Variants in SV2B observed in about 807,000 individuals in gnomAD.
The protein encoded by SV2B is solute carrier family 22 member B2.
A neutral mutation model predicts 73.9 loss-of-function variants in SV2B; 41 were observed. The observed-to-expected ratio is 0.56, with a 90% CI of 0.43 to 0.72. The LOEUF is 0.72. Ranked by LOEUF, SV2B falls within the 30% of genes least tolerant of loss-of-function variation. The pLI, the probability that SV2B is intolerant of heterozygous loss-of-function variation, is 0.00. For synonymous variants in SV2B, 314 were observed against 314.2 expected (o/e 1.00, Z 0.01); for missense variants, 764 against 857.8 (o/e 0.89, Z 1.37).
intron 1 of SV2B, among the ~76,000 whole-genome samples, chr15:91,178,164 C>T (rs1309616354): frequency 6.6e-6 from 1 of 151,342 alleles, no homozygotes; most frequent in Admixed American, 6.6e-5. Flanking sequence ...TGGTTTTTGT[C>T]TTTGGTTCTG....
rs1049006436 is a variant in SV2B, at chr15:91,267,135, A to G, written c.1120-420A>G. ...CCTCCAAGTAGGGAGCCAGTCAGCT[A>G]TTGAGCACTGAGGCAGCCAGACAGC... is the stretch of plus-strand genomic sequence containing the variant. On this transcript the variant is annotated intron_variant, in intron 7 of 12. Transcript: ENST00000394232. The surrounding 1 kb of genome is among the most constrained non-coding windows in gnomAD (Gnocchi z 4.3). 2.6e-5 allele frequency among the ~76,000 whole-genome samples: 4 copies of G among 152,208 alleles called. No individual in the cohort carries two copies. The highest frequency in any genetic ancestry group is 4.4e-5 in the Non-Finnish European group (3 of 68,022).
rs2042930772 is a variant in SV2B at position 91,139,215 on chromosome 15, T to C, written c.-392+38852T>C. Among the ~76,000 whole-genome samples the C allele has an allele frequency of 6.6e-6, 1 of 152,134 alleles. No individual in the cohort carries two copies. The highest frequency in any genetic ancestry group is 1.5e-5 in the Non-Finnish European group (1 of 68,028). ...TGTGAAGGGAAGGAGGTTGGAGAAC[T>C]GGGTAGGGGTATAGATGATATGAGA... On this transcript the variant is annotated intron_variant, in intron 1 of 12. Coordinates refer to ENST00000394232, the MANE Select transcript of SV2B (RefSeq NM_001323032.3). This position sits in a 1 kb window ranked among gnomAD's most constrained non-coding sequence, Gnocchi z 5.2.
rs955121864 is a variant in SV2B at position 91,298,173 on chromosome 15, G to GAGCA, written c.*5623_*5626dup. 7 of 152,288 alleles carry GAGCA rather than the reference G, an allele frequency of 4.6e-5. No individual in the cohort carries two copies. The highest frequency in any genetic ancestry group is 3.3e-4 in the Admixed American group (5 of 15,298). 9.4% of individuals were successfully genotyped at this position (152,288 alleles called of 1,614,324 possible). A position where few individuals can be genotyped will look rare whatever the true frequency, so the allele number is the denominator to read the frequency against. On this transcript the variant is annotated 3_prime_UTR_variant, in exon 13 of 13. Transcript: ENST00000394232. The surrounding 1 kb of genome is among the most constrained non-coding windows in gnomAD (Gnocchi z 5.4). ...TCCTTTAGACAAGGAAGACAGAGTG[G>GAGCA]AGCAAATTTCTCTACATAGATCTCA...
intron 2 of SV2B, among the ~76,000 whole-genome samples, chr15:91,237,239 G>A (rs1294419782): frequency 6.6e-6 from 1 of 152,166 alleles, no homozygotes; most frequent in East Asian, 1.9e-4. Context: ...CCCTCTCAAA[G>A]TCATGCACTA....
chr15:91,244,440 C>T (rs759346010), intron 2 of SV2B, among the ~76,000 whole-genome samples: 16 of 152,298 alleles, frequency 1.1e-4, no homozygotes, highest in South Asian at 8.3e-4. Flanking sequence ...CTAGAAAAGT[C>T]GAACATGGTG....
chr15:91,233,894 C>T (rs139898298), intron 2 of SV2B, among the ~76,000 whole-genome samples: 2 of 152,264 alleles, frequency 1.3e-5, no homozygotes, highest in East Asian at 1.9e-4. Flanking sequence ...GAGGTGGTTA[C>T]ACTCCAAAAG....
At chr15:91,135,695 C>G (rs1473307514) in intron 1 of SV2B, among the ~76,000 whole-genome samples, 1 of 152,222 alleles carries the variant, frequency 6.6e-6, no homozygotes, top group Non-Finnish European at 1.5e-5. Context: ...CCAGCGTTTA[C>G]TGAGCCGTTA....
intron 1 of SV2B, among the ~76,000 whole-genome samples, chr15:91,159,303 A>G (rs2043625940): frequency 6.6e-6 from 1 of 152,164 alleles, no homozygotes; most frequent in African/African-American, 2.4e-5. Context: ...TTTACTAGGT[A>G]TTTGGAGATA....
chr15:91,169,194 C>T (rs956076100), intron 1 of SV2B, among the ~76,000 whole-genome samples: 1 of 152,114 alleles, frequency 6.6e-6, no homozygotes, highest in Non-Finnish European at 1.5e-5. Context: ...TTACTACGCT[C>T]CAGGGACCAT....
At chr15:91,255,143 CACAA>C (rs2047638932) in intron 4 of SV2B, among the ~76,000 whole-genome samples, 1 of 152,092 alleles carries the variant, frequency 6.6e-6, no homozygotes, top group Non-Finnish European at 1.5e-5. Flanking sequence ...TTTTTCACTT[CACAA>C]ACACACACAC....
intron 1 of SV2B, among the ~76,000 whole-genome samples, chr15:91,175,839 CT>C (rs996349143): frequency 2.0e-5 from 3 of 149,656 alleles, no homozygotes; most frequent in South Asian, 2.1e-4. Flanking sequence ...CGTGAATTTT[CT>C]TTTTTTTTGT....
chr15:91,202,053 A>G (rs1296115840), intron 1 of SV2B, among the ~76,000 whole-genome samples: 2 of 152,108 alleles, frequency 1.3e-5, no homozygotes, highest in African/African-American at 2.4e-5. Flanking sequence ...AAATATCTGC[A>G]TGGCTCACTC....
rs2049358551 is a variant in SV2B at position 91,299,267 on chromosome 15, A to G, written c.*6715A>G. On this transcript the variant is annotated 3_prime_UTR_variant, in exon 13 of 13. Transcript: ENST00000394232. ...CAAACATAACTATAAGCAATTGATGAGCAAATTACAAATGACTGTTTTTTA... is the reference window on the plus strand; with the variant it reads ...CAAACATAACTATAAGCAATTGATGGGCAAATTACAAATGACTGTTTTTTA... 6.6e-6 allele frequency: 1 copy of G among 152,254 alleles called. No homozygotes were observed. Among genetic ancestry groups the G allele is most frequent in the Admixed American group, 6.5e-5 (1 of 15,284 alleles). 9.4% of individuals were successfully genotyped at this position (152,254 alleles called of 1,614,324 possible).
chr15:91,186,705 CAG>C lies in SV2B; in HGVS notation c.-391-39166_-391-39165del, dbSNP rs139888619. ...CATAGAATAAGAGACGCTGGAGACT[CAG>C]AAGGCTGTGGGGGGTGAGGAGGTTG... On this transcript the variant is annotated intron_variant, in intron 1 of 12. Coordinates refer to ENST00000394232, the MANE Select transcript of SV2B (RefSeq NM_001323032.3). 6.2e-3 allele frequency among the ~76,000 whole-genome samples: 948 copies of C among 152,186 alleles called. 11 individuals are homozygous for C. Among genetic ancestry groups the C allele is most frequent in the African/African-American group, 0.022 (893 of 41,512 alleles).
intron 2 of SV2B, among the ~76,000 whole-genome samples, chr15:91,238,807 G>C (rs2141549141): frequency 6.6e-6 from 1 of 152,294 alleles, no homozygotes; most frequent in African/African-American, 2.4e-5. Flanking sequence ...GGGCCCAAGA[G>C]ATGATCCGTC....
intron 1 of SV2B, among the ~76,000 whole-genome samples, chr15:91,109,880 C>T (rs994236899): frequency 2.6e-5 from 4 of 152,128 alleles, no homozygotes; most frequent in African/African-American, 4.8e-5. Flanking sequence ...GAATTATAGG[C>T]GTGTCCCACC....
chr15:91,134,508 C>T (rs575400681), intron 1 of SV2B, among the ~76,000 whole-genome samples: 7 of 152,206 alleles, frequency 4.6e-5, no homozygotes, highest in East Asian at 3.9e-4. Flanking sequence ...TGCAAGAGAG[C>T]GAAAAGGGGG....
At chr15:91,111,277 G>A (rs1446154764) in intron 1 of SV2B, among the ~76,000 whole-genome samples, 4 of 152,194 alleles carry the variant, frequency 2.6e-5, no homozygotes, top group Non-Finnish European at 5.9e-5. Context: ...AGACAAGCAA[G>A]GCCCCTGCTG....
rs2042999822 is a variant in SV2B, at chr15:91,141,680, A to G, written c.-392+41317A>G. Among the ~76,000 whole-genome samples the G allele has an allele frequency of 6.6e-6, 1 of 152,046 alleles. No homozygotes were observed. The highest frequency in any genetic ancestry group is 2.1e-4 in the South Asian group (1 of 4,822). ...ACAGTGAATGCTTAATAAATCATTC[A>G]TATTATTATTTTTTTCCTAAGGGTT... On this transcript the variant is annotated intron_variant, in intron 1 of 12. Coordinates refer to ENST00000394232, the MANE Select transcript of SV2B (RefSeq NM_001323032.3). This position sits in a 1 kb window ranked among gnomAD's most constrained non-coding sequence, Gnocchi z 4.6.
Sources: allele counts gnomAD v4.1 joint callset (sites outside exome capture counted in the v4.1 genomes callset), GRCh38; gene constraint gnomAD v4.1.1; non-coding constraint Gnocchi (gnomAD v3.1); transcripts MANE v1.5; gene names NCBI Gene and HGNC (gene_info 2026-07-23, HGNC 2026-07-21).